KALRN: variants seen among roughly 807,000 people sequenced by gnomAD.
KALRN encodes kalirin.
A neutral mutation model predicts 353.7 loss-of-function variants in KALRN; 70 were observed. The ratio of observed to expected loss-of-function variants is 0.20; its 90% CI spans 0.16 to 0.24. The LOEUF (loss-of-function observed/expected upper bound fraction) is 0.24. KALRN is among the 10% of genes least tolerant of loss of function. The pLI is 1.00. For missense variants in KALRN, 2,791 were observed against 3,756.7 expected (o/e 0.74, Z 6.72); for synonymous variants, 1,391 against 1,434.8 (o/e 0.97, Z 0.69).
At chr3:124,613,564 G>A (rs567853004) in intron 34 of KALRN, among the ~76,000 whole-genome samples, 1 of 152,306 alleles carries the variant, frequency 6.6e-6, no homozygotes, top group East Asian at 1.9e-4. Flanking sequence ...TTATAATTGG[G>A]AAGTGATCTG....
intron 1 of KALRN, among the ~76,000 whole-genome samples, chr3:124,181,176 G>A (rs576555884): frequency 6.6e-6 from 1 of 151,032 alleles, no homozygotes; most frequent in African/African-American, 2.4e-5. Context: ...ACTTGAACCT[G>A]GGCGACAGAG....
chr3:124,455,080 G>T, intron 21 of KALRN, 97 bp from the exon 22 acceptor site: 1 of 1,316,768 alleles, frequency 7.6e-7, no homozygotes. Flanking sequence ...TCAGCTATGA[G>T]GTATCTATGG....
chr3:124,261,124 A>G (rs1273086911), intron 3 of KALRN, among the ~76,000 whole-genome samples: 1 of 150,992 alleles, frequency 6.6e-6, no homozygotes, highest in African/African-American at 2.4e-5. Flanking sequence ...TTCTGACCTC[A>G]AGTGATCTGC....
chr3:124,230,816 C>CA (rs2079059824), intron 2 of KALRN, among the ~76,000 whole-genome samples: 1 of 71,808 alleles, frequency 1.4e-5, no homozygotes, highest in Non-Finnish European at 3.2e-5. Flanking sequence ...ATTAAAAAAG[C>CA]AAAAAACAAA....
rs1401305993 is a variant in KALRN at position 124,269,039 on chromosome 3, G to T, written c.753G>T (p.Gly251=). ...KAPVEELDRE[G]QRLLQCIRCS... is the part of the protein sequence containing the mutation. ...CTGTGGAGGAGCTGGACCGGGAGGG[G>T]CAGCGGCTGCTGCAGTGCATCCGCT... is the stretch of plus-strand genomic sequence containing the variant. The change falls in exon 5 of 60, where the codon GGG becomes GGT. Residue 251 remains glycine (G), a synonymous_variant. Coordinates refer to ENST00000682506, the MANE Select transcript of KALRN (RefSeq NM_001388419.1). 1.2e-6 allele frequency: 2 copies of T among 1,612,870 alleles called. No individual in the cohort carries two copies. Among genetic ancestry groups the T allele is most frequent in the Admixed American group, 3.3e-5 (2 of 59,928 alleles).
At chr3:124,205,699 T>C (rs1336513532) in intron 1 of KALRN, among the ~76,000 whole-genome samples, 1 of 152,172 alleles carries the variant, frequency 6.6e-6, no homozygotes, top group Non-Finnish European at 1.5e-5. Flanking sequence ...AGGTCAAATA[T>C]TTAGATTTGG....
chr3:124,139,697 A>G (rs1428230355), intron 1 of KALRN, among the ~76,000 whole-genome samples: 1 of 152,184 alleles, frequency 6.6e-6, no homozygotes, highest in Non-Finnish European at 1.5e-5. Flanking sequence ...AGGAGAGGGC[A>G]CTACACTCAA....
In KALRN at chr3:124,347,561, G is replaced by A. The variant is rs181262562; in HGVS notation, c.1770+296G>A. ...GGTAAAATAGATGCCCACATTTATG[G>A]TCTTTGAAAAAGATCTTCCTGCTGG... is the stretch of plus-strand genomic sequence containing the variant. On this transcript the variant is annotated intron_variant, in intron 10 of 59. Coordinates refer to ENST00000682506, the MANE Select transcript of KALRN (RefSeq NM_001388419.1). Among the ~76,000 whole-genome samples the A allele has an allele frequency of 1.2e-3, 175 of 152,106 alleles. 3 individuals are homozygous for A. The highest frequency in any genetic ancestry group is 1.2e-4 in the Non-Finnish European group (8 of 67,992).
At chr3:124,675,582 T>C (rs1405657931) in intron 49 of KALRN, among the ~76,000 whole-genome samples, 1 of 151,944 alleles carries the variant, frequency 6.6e-6, no homozygotes, top group Admixed American at 6.6e-5. Context: ...TTGGCATTTT[T>C]TTTTCCTACA....
At chr3:124,144,178 T>C (rs1330684621) in intron 1 of KALRN, among the ~76,000 whole-genome samples, 2 of 152,054 alleles carry the variant, frequency 1.3e-5, no homozygotes, top group Non-Finnish European at 2.9e-5. Flanking sequence ...GAATGACAAG[T>C]CCAGCTGCTC....
Position 124,555,438 on chromosome 3 carries a change from T to G in KALRN, c.4936-7405T>G, listed in dbSNP as rs2071114249. On this transcript the variant is annotated intron_variant, in intron 33 of 59. Transcript: ENST00000682506. ...CAAAATAAATAAATAAATAAATAAA[T>G]AAATAAATAAATAAATAAATAAATA... 5.3e-5 allele frequency among the ~76,000 whole-genome samples: 8 copies of G among 150,490 alleles called. 1 individual carries two copies. The highest frequency in any genetic ancestry group is 5.3e-4 in the Admixed American group (8 of 15,096).
chr3:124,204,958 C>T (rs2076284556), intron 1 of KALRN, among the ~76,000 whole-genome samples: 1 of 77,162 alleles, frequency 1.3e-5, no homozygotes, highest in Admixed American at 1.8e-4. Context: ...CATACTTCTT[C>T]CTCATTCCCT....
rs112257599 is a variant in KALRN at position 124,270,534 on chromosome 3, T to A, written c.969+1279T>A. On this transcript the variant is annotated intron_variant, in intron 5 of 59. Transcript: ENST00000682506. ...AAAAAATTAGTATATGCAGTTTTTT[T>A]AATGCATATCACTTTTTATAGCATA... 3.3e-5 allele frequency among the ~76,000 whole-genome samples: 5 copies of A among 150,176 alleles called. 1 individual carries two copies. Among genetic ancestry groups the A allele is most frequent in the African/African-American group, 1.0e-4 (4 of 39,676 alleles).
chr3:124,285,588 T>C (rs2149080563), intron 5 of KALRN, among the ~76,000 whole-genome samples: 1 of 152,306 alleles, frequency 6.6e-6, no homozygotes, highest in Admixed American at 6.5e-5. Flanking sequence ...CAGGCTGGAG[T>C]GCAGTGGCAT....
chr3:124,114,396 G>T (rs1313343031), intron 1 of KALRN, among the ~76,000 whole-genome samples: 1 of 152,204 alleles, frequency 6.6e-6, no homozygotes, highest in East Asian at 1.9e-4. Flanking sequence ...TGAAGGAGCT[G>T]TCTGCTGTTT....
rs115498898 is a variant in KALRN at position 124,554,320 on chromosome 3, G to A, written c.4936-8523G>A. ...GAGAAGCCCCTGTGAATTAAGTTGG[G>A]GTTTTTAGTAGGCTACATGCTCAAA... On this transcript the variant is annotated intron_variant, in intron 33 of 59. Transcript: ENST00000682506. 8.7e-3 allele frequency among the ~76,000 whole-genome samples: 1,331 copies of A among 152,254 alleles called. 16 individuals are homozygous for A. Among genetic ancestry groups the A allele is most frequent in the African/African-American group, 0.029 (1,191 of 41,528 alleles).
chr3:124,405,084 A>T (rs557209824), intron 13 of KALRN, among the ~76,000 whole-genome samples: 3 of 152,228 alleles, frequency 2.0e-5, no homozygotes, highest in African/African-American at 7.2e-5. Context: ...GAATGAATAC[A>T]ATGAAGTAAA....
chr3:124,632,816 C>A, intron 35 of KALRN, 113 bp downstream of exon 35: 5 of 1,023,150 alleles, frequency 4.9e-6, no homozygotes, highest in South Asian at 4.7e-5. Context: ...TTACCTTGAG[C>A]CTAAGTGATT....
At chr3:124,683,915 CATTT>C (rs1417784275) in intron 51 of KALRN, among the ~76,000 whole-genome samples, 2 of 152,212 alleles carry the variant, frequency 1.3e-5, no homozygotes, top group Non-Finnish European at 2.9e-5. Context: ...ACCTGGGAAA[CATTT>C]AGTTAACCTC....
Sources: allele counts gnomAD v4.1 joint callset (sites outside exome capture counted in the v4.1 genomes callset), GRCh38; gene constraint gnomAD v4.1.1; transcripts MANE v1.5; gene names NCBI Gene and HGNC (gene_info 2026-07-23, HGNC 2026-07-21).